Variants in DIXDC1 observed in about 807,000 individuals in gnomAD.
DIXDC1 encodes the protein DIX domain containing 1, also known as dixin.
Under a neutral mutation model 103.1 loss-of-function variants are expected in DIXDC1, and 64 were observed. The ratio of observed to expected loss-of-function variants is 0.62; its 90% CI spans 0.51 to 0.76. DIXDC1 has a LOEUF of 0.76. DIXDC1 is among the 30% of genes least tolerant of loss of function. The pLI, the probability that DIXDC1 is intolerant of heterozygous loss-of-function variation, is 0.00. For missense variants in DIXDC1, 759 were observed against 834.2 expected (o/e 0.91, Z 1.11); for synonymous variants, 266 against 298.5 (o/e 0.89, Z 1.12).
At chr11:111,994,567 G>A (rs1449944436) in intron 14 of DIXDC1, among the ~76,000 whole-genome samples, 1 of 149,600 alleles carries the variant, frequency 6.7e-6, no homozygotes, top group East Asian at 1.9e-4. Flanking sequence ...ATATGTATAT[G>A]TATGTATGTA....
At chr11:111,985,462 G>C (rs1437491337) in intron 8 of DIXDC1, 141 bp downstream of exon 8, 1 of 662,672 alleles carries the variant, frequency 1.5e-6, no homozygotes, top group Non-Finnish European at 2.6e-6. Flanking sequence ...TTTGACCATT[G>C]TTTCCTTCTT....
At chr11:111,948,522 C>A (rs2137463267) in intron 1 of DIXDC1, among the ~76,000 whole-genome samples, 1 of 151,940 alleles carries the variant, frequency 6.6e-6, no homozygotes, top group East Asian at 1.9e-4. Flanking sequence ...CTGCTCATGG[C>A]CCAGTCCTGC....
intron 1 of DIXDC1, among the ~76,000 whole-genome samples, chr11:111,943,363 C>G (rs896154573): frequency 2.0e-5 from 3 of 151,954 alleles, no homozygotes; most frequent in Non-Finnish European, 4.4e-5. Flanking sequence ...AGGCTGGTCT[C>G]GAGCTCCTGA....
Position 111,995,020 on chromosome 11 carries a change from C to T in DIXDC1, c.1439C>T (p.Ala480Val), listed in dbSNP as rs782765914. 1.2e-5 allele frequency: 20 copies of T among 1,612,948 alleles called. No homozygotes were observed. Among genetic ancestry groups the T allele is most frequent in the African/African-American group, 4.0e-5 (3 of 74,902 alleles). ...AHCMKREADE[A>V]TNYNSHNSQS... ...CAACATTTCTTCATGCTGCTGTAGGCGACCAACTACAACAGTCACAACTCT... is the reference window on the plus strand; with the variant it reads ...CAACATTTCTTCATGCTGCTGTAGGTGACCAACTACAACAGTCACAACTCT... Residue 480 changes from alanine (A) to valine (V), a missense_variant and splice_region_variant, in exon 15 of 20, where the codon GCG becomes GTG. Ala to Val is a moderately conservative substitution (Grantham distance 64). Coordinates refer to ENST00000440460, the MANE Select transcript of DIXDC1 (RefSeq NM_001037954.4).
chr11:112,001,384 GT>G (rs797043425), intron 17 of DIXDC1, among the ~76,000 whole-genome samples: 23 of 152,288 alleles, frequency 1.5e-4, no homozygotes, highest in African/African-American at 5.3e-4. Flanking sequence ...GATAATGGTG[GT>G]TGTTTGCACA....
chr11:112,013,399 G>A (rs1399825164), intron 17 of DIXDC1, among the ~76,000 whole-genome samples: 1 of 151,224 alleles, frequency 6.6e-6, no homozygotes, highest in Admixed American at 6.6e-5. Context: ...TATGGTAACT[G>A]TTTTGCTATT....
chr11:112,012,941 CTCTT>C (rs1448688745), intron 17 of DIXDC1, among the ~76,000 whole-genome samples: 5 of 152,222 alleles, frequency 3.3e-5, no homozygotes, highest in Admixed American at 2.0e-4. Context: ...TGATTACTCT[CTCTT>C]TGACATTCTC....
At chr11:111,975,998 A>G (rs1555172569) in intron 5 of DIXDC1, 1 of 784,030 alleles carries the variant, frequency 1.3e-6, no homozygotes, top group African/African-American at 1.9e-5. Context: ...AAAGTGTACA[A>G]TTCAGTGGCA....
Position 111,937,402 on chromosome 11 carries a change from T to C in DIXDC1, c.-98T>C, listed in dbSNP as rs1165543969. On this transcript the variant is annotated 5_prime_UTR_variant, in exon 1 of 20. The change abolishes an upstream ATG in the 5' untranslated region. Transcript: ENST00000440460. The stretch of plus-strand genomic sequence containing the variant: ...ATGCGGGACTCCGGAGGGATCCCAA[T>C]GAGCTGAGCCGAGAGCCTTTGTGTG... 6.0e-6 allele frequency: 9 copies of C among 1,503,426 alleles called. No homozygotes were observed. Among genetic ancestry groups the C allele is most frequent in the Non-Finnish European group, 8.0e-6 (9 of 1,126,624 alleles). The allele number at this position is 1,503,426 out of a possible 1,614,324, so 93.1% of individuals were successfully genotyped here. A position where few individuals can be genotyped will look rare whatever the true frequency, so the allele number is the denominator to read the frequency against.
chr11:112,009,263 G>A (rs1384956390), intron 17 of DIXDC1, among the ~76,000 whole-genome samples: 4 of 152,174 alleles, frequency 2.6e-5, no homozygotes, highest in Non-Finnish European at 4.4e-5. Flanking sequence ...CCAGGAAGAA[G>A]TTGAATCTCT....
At chr11:111,942,358 C>T (rs1404083988) in intron 1 of DIXDC1, among the ~76,000 whole-genome samples, 1 of 152,218 alleles carries the variant, frequency 6.6e-6, no homozygotes, top group Non-Finnish European at 1.5e-5. Flanking sequence ...CTTCATCTGC[C>T]ATGATTGGCC....
At position 112,019,013 on chromosome 11, in the gene DIXDC1, G is replaced by C; in HGVS notation, c.2029G>C (p.Glu677Gln). ...GGAAGGGAAAATTGTAGCTTGGGTG[G>C]AAGAAGACCATGGAGAGAATTAATG... ...GWEGKIVAWV[E>Q]EDHGEN Residue 677 changes from glutamate to glutamine, a missense_variant, in exon 20 of 20, where the codon GAA (glutamate) becomes CAA (glutamine). By Grantham distance (29) the Glu-to-Gln change is conservative (BLOSUM62 2). This residue lies in a region of DIXDC1 where 657 missense variants were observed against 727.5 expected (regional missense o/e 0.90). Coordinates refer to ENST00000440460, the MANE Select transcript of DIXDC1 (RefSeq NM_001037954.4). 6.2e-7 allele frequency: 1 copy of C among 1,613,354 alleles called. No individual in the cohort carries two copies. The highest frequency in any genetic ancestry group is 2.2e-5 in the East Asian group (1 of 44,882).
chr11:111,974,652 G>A (rs781800497), intron 4 of DIXDC1, among the ~76,000 whole-genome samples: 1 of 152,258 alleles, frequency 6.6e-6, no homozygotes, highest in African/African-American at 2.4e-5. Flanking sequence ...TTTGTGGGTT[G>A]TGTATCTGCT....
chr11:111,963,732 T>C (rs1859645081), intron 1 of DIXDC1, among the ~76,000 whole-genome samples: 1 of 152,188 alleles, frequency 6.6e-6, no homozygotes, highest in African/African-American at 2.4e-5. Context: ...ATGGACAAAA[T>C]GTAATATGTA....
chr11:111,976,002 A>C lies in DIXDC1; in HGVS notation c.656+1019A>C, dbSNP rs1860084816. 6.7e-6 allele frequency: 5 copies of C among 751,738 alleles called. No homozygotes were observed. Among genetic ancestry groups the C allele is most frequent in the South Asian group, 1.2e-4 (2 of 16,368 alleles). 46.6% of individuals were successfully genotyped at this position (751,738 alleles called of 1,614,324 possible). On this transcript the variant is annotated intron_variant, in intron 5 of 19. Transcript: ENST00000440460. This position sits in a 1 kb window ranked among gnomAD's most constrained non-coding sequence, Gnocchi z 4.3. The stretch of plus-strand genomic sequence containing the variant: ...TTAAACATTATAAAGTGTACAATTC[A>C]GTGGCATTTAGTATCTTCATAATGT...
chr11:111,948,073 C>G (rs190043773), intron 1 of DIXDC1, among the ~76,000 whole-genome samples: 1 of 152,308 alleles, frequency 6.6e-6, no homozygotes, highest in Admixed American at 6.5e-5. Flanking sequence ...GCACCTTAGT[C>G]TCTAACACTC....
intron 17 of DIXDC1, among the ~76,000 whole-genome samples, chr11:111,999,749 C>T (rs1303581865): frequency 6.6e-6 from 1 of 151,908 alleles, no homozygotes; most frequent in African/African-American, 2.4e-5. Context: ...CCTGTAATCC[C>T]AGCTACTTGG....
intron 14 of DIXDC1, among the ~76,000 whole-genome samples, chr11:111,994,144 T>C (rs587612567): frequency 8.0e-4 from 122 of 152,298 alleles, no homozygotes; most frequent in African/African-American, 2.7e-3. Context: ...CCTAGCACTT[T>C]GGGAGGCCAA....
upstream of DIXDC1, among the ~76,000 whole-genome samples, chr11:111,932,564 C>T (rs1183071067): frequency 4.2e-5 from 6 of 143,124 alleles, no homozygotes; most frequent in African/African-American, 1.6e-4. Context: ...CCAGCTTGGG[C>T]GACAGAAGCG....
Sources: gnomAD v4.1 joint callset for allele counts (sites outside exome capture counted in the v4.1 genomes callset) on GRCh38, gnomAD v4.1.1 for gene constraint, gnomAD v4.1.1 regional missense constraint, Gnocchi (gnomAD v3.1) non-coding constraint, MANE v1.5 for transcripts, NCBI Gene and HGNC (gene_info 2026-07-23, HGNC 2026-07-21) for gene names.